FAT3: variants seen among roughly 807,000 people sequenced by gnomAD.
FAT3 encodes FAT atypical cadherin 3.
In FAT3, 95 loss-of-function variants were observed where a neutral mutation model predicts 310.2. The ratio of observed to expected loss-of-function variants is 0.31; its 90% confidence interval spans 0.26 to 0.36. The LOEUF (loss-of-function observed/expected upper bound fraction) is 0.36, where lower values mean the gene tolerates loss of function less well. FAT3 is among the 10% of genes least tolerant of loss of function. FAT3 has a pLI of 1.00. For missense variants in FAT3, 5,408 were observed against 5,715.6 expected, an observed-to-expected ratio of 0.95 and a Z score of 1.74; for synonymous variants, 2,314 against 2,192.9, an observed-to-expected ratio of 1.06 and a Z score of -1.54.
intron 7 of FAT3, among the ~76,000 whole-genome samples, chr11:92,776,553 G>A (rs943854533): frequency 6.6e-6 from 1 of 152,072 alleles, no homozygotes; most frequent in African/African-American, 2.4e-5. Context: ...AAGTTAATAT[G>A]GAAACATGTA....
intron 3 of FAT3, among the ~76,000 whole-genome samples, chr11:92,677,738 G>A (rs1406169285): frequency 6.6e-6 from 1 of 152,164 alleles, no homozygotes; most frequent in East Asian, 1.9e-4. Flanking sequence ...GGAAGGTCTT[G>A]ACTGCTGATC....
intron 1 of FAT3, among the ~76,000 whole-genome samples, chr11:92,239,739 A>G (rs1295672063): frequency 2.0e-5 from 3 of 152,122 alleles, no homozygotes; most frequent in Non-Finnish European, 2.9e-5. Context: ...TTGGCTTCTC[A>G]GCTGAATGTA....
At chr11:92,823,720 C>T (rs889636309) in intron 13 of FAT3, among the ~76,000 whole-genome samples, 4 of 151,958 alleles carry the variant, frequency 2.6e-5, no homozygotes, top group African/African-American at 9.7e-5. Flanking sequence ...TTCAAAAAAC[C>T]GAGGGGCTAC....
In FAT3 at chr11:92,880,883, A is replaced by C. The variant is rs2136399516; in HGVS notation, c.12280A>C (p.Thr4094Pro). ...TTGTAAAGCTGGGCTCACTGGAGTC[A>C]CGTAAGTGAGATTACATAAGTGTCT... Reference protein sequence around the residue: ...CNCKAGLTGVTCEEDINECER... With the variant: ...CNCKAGLTGVPCEEDINECER... The change falls in exon 23 of 28, where the codon ACG becomes CCG. Residue 4094 changes from threonine (T) to proline (P), a missense_variant and splice_region_variant. Coordinates refer to ENST00000525166, the MANE Select transcript of FAT3 (RefSeq NM_001367949.2). 6.2e-7 allele frequency: 1 copy of C among 1,613,450 alleles called. No homozygotes were observed. The highest frequency in any genetic ancestry group is 8.5e-7 in the Non-Finnish European group (1 of 1,179,620).
intron 2 of FAT3, chr11:92,367,292 TA>T (rs1457518766): frequency 9.1e-6 from 2 of 220,122 alleles, no homozygotes; most frequent in Non-Finnish European, 1.8e-5. Context: ...TACAGATGAT[TA>T]AATGAAGAAC....
At chr11:92,273,807 C>T (rs1946191615) in intron 1 of FAT3, among the ~76,000 whole-genome samples, 1 of 152,082 alleles carries the variant, frequency 6.6e-6, no homozygotes, top group Non-Finnish European at 1.5e-5. Context: ...AAATGATGTC[C>T]TTATCTCCTC....
intron 3 of FAT3, among the ~76,000 whole-genome samples, chr11:92,609,044 T>G (rs898308674): frequency 6.6e-6 from 1 of 152,246 alleles, no homozygotes; most frequent in Admixed American, 6.5e-5. Flanking sequence ...TGCTGCTGTT[T>G]ATGAATGCAG....
intron 3 of FAT3, among the ~76,000 whole-genome samples, chr11:92,534,277 G>C (rs1047138937): frequency 1.3e-5 from 2 of 150,858 alleles, no homozygotes; most frequent in Non-Finnish European, 2.9e-5. Context: ...CCACAGTCCT[G>C]GGGGGGGAGG....
chr11:92,616,991 T>G (rs1209183391), intron 3 of FAT3, among the ~76,000 whole-genome samples: 1 of 152,194 alleles, frequency 6.6e-6, no homozygotes, highest in African/African-American at 2.4e-5. Context: ...CTTTGTGGCA[T>G]TCTCTGTATT....
At chr11:92,842,440 T>G (rs1270140377) in intron 18 of FAT3, among the ~76,000 whole-genome samples, 1 of 152,244 alleles carries the variant, frequency 6.6e-6, no homozygotes, top group African/African-American at 2.4e-5. Flanking sequence ...AACTTGTCAC[T>G]CTCCTTTGAA....
intron 2 of FAT3, among the ~76,000 whole-genome samples, chr11:92,381,880 G>T: frequency 6.6e-6 from 1 of 152,110 alleles, no homozygotes; most frequent in East Asian, 1.9e-4. Context: ...GTGTTAAAAA[G>T]AAAATGAAGG....
At chr11:92,573,653 A>C (rs1257024481) in intron 3 of FAT3, among the ~76,000 whole-genome samples, 1 of 152,146 alleles carries the variant, frequency 6.6e-6, no homozygotes, top group East Asian at 1.9e-4. Context: ...ACACAGAGAG[A>C]AGAAGGCCAT....
At chr11:92,426,490 A>C (rs1950636710) in intron 2 of FAT3, among the ~76,000 whole-genome samples, 1 of 152,074 alleles carries the variant, frequency 6.6e-6, no homozygotes, top group African/African-American at 2.4e-5. Context: ...ATTTTCTTCT[A>C]GCGTTTTTAT....
intron 3 of FAT3, among the ~76,000 whole-genome samples, chr11:92,550,719 G>A (rs7116512): frequency 0.015 from 2,274 of 151,504 alleles, 63 homozygotes; most frequent in African/African-American, 0.052. Flanking sequence ...CCAAGTGAAA[G>A]CTAGGACTTT....
chr11:92,476,968 C>T (rs901215920), intron 2 of FAT3, among the ~76,000 whole-genome samples: 11 of 152,128 alleles, frequency 7.2e-5, no homozygotes, highest in Non-Finnish European at 1.2e-4. Context: ...TGTTTAATTC[C>T]GTCCAGACTG....
intron 2 of FAT3, among the ~76,000 whole-genome samples, chr11:92,420,634 T>C (rs192478922): frequency 5.0e-4 from 75 of 150,598 alleles, no homozygotes; most frequent in African/African-American, 1.8e-3. Flanking sequence ...ACTAAATCTT[T>C]ACTAATAATT....
chr11:92,356,061 A>G (rs1339065202), intron 2 of FAT3, among the ~76,000 whole-genome samples: 1 of 152,222 alleles, frequency 6.6e-6, no homozygotes, highest in Non-Finnish European at 1.5e-5. Flanking sequence ...ACATTAAAAA[A>G]TATGGGGCAA....
Position 92,353,389 on chromosome 11 carries a change from C to T in FAT3, c.1277C>T (p.Ser426Leu), listed in dbSNP as rs759513599. 1.9e-5 allele frequency: 30 copies of T among 1,613,100 alleles called. No homozygotes were observed. The highest frequency in any genetic ancestry group is 1.1e-4 in the East Asian group (5 of 44,862). Residue 426 changes from serine to leucine, a missense_variant, in exon 2 of 28, where the codon TCG (serine) becomes TTG (leucine). Ser to Leu is a moderately radical substitution (Grantham distance 145). Transcript: ENST00000525166. ...DAVYFKINPR[S>L]GLIVTARPLN... ...GTGTACTTTAAAATTAATCCTCGGT[C>T]GGGTCTGATTGTTACAGCACGGCCA...
At chr11:92,765,149 GAAAAA>G (rs140929549) in intron 6 of FAT3, 60 bp downstream of exon 6, 4 of 984,834 alleles carry the variant, frequency 4.1e-6, no homozygotes, top group African/African-American at 3.5e-5. Context: ...AAGCAACTAG[GAAAAA>G]AAAAAAAAAG....
Sources: gnomAD v4.1 joint callset for allele counts (sites outside exome capture counted in the v4.1 genomes callset) on GRCh38, gnomAD v4.1.1 for gene constraint, MANE v1.5 for transcripts, NCBI Gene and HGNC (gene_info 2026-07-23, HGNC 2026-07-21) for gene names.